Variants in RTN1 observed in about 807,000 individuals in gnomAD.
RTN1 encodes reticulon 1.
A neutral mutation model predicts 65.5 loss-of-function variants in RTN1; 25 were observed. That is an observed-to-expected ratio of 0.38 (90% CI 0.28 to 0.53). The LOEUF (loss-of-function observed/expected upper bound fraction) is 0.53, where lower values mean the gene tolerates loss of function less well. Among genes scored for constraint, RTN1 ranks in the 20% least tolerant of loss-of-function variants. The pLI is 0.79. For synonymous variants in RTN1, 471 were observed against 447.6 expected, an observed-to-expected ratio of 1.05 and a Z score of -0.66; for missense variants, 983 against 1,025.4, an observed-to-expected ratio of 0.96 and a Z score of 0.57.
chr14:59,684,516 T>C (rs1020584728), intron 3 of RTN1, among the ~76,000 whole-genome samples: 79 of 152,064 alleles, frequency 5.2e-4, no homozygotes, highest in African/African-American at 1.8e-3. Context: ...GAAACTGTGA[T>C]CTCGTATCAC....
At chr14:59,714,685 TC>T (rs1225002659) in intron 3 of RTN1, among the ~76,000 whole-genome samples, 1 of 152,160 alleles carries the variant, frequency 6.6e-6, no homozygotes, top group Non-Finnish European at 1.5e-5. Context: ...GAGAGCCACT[TC>T]CCAAGAAGGA....
rs1566711044 is a variant in RTN1 at position 59,749,188 on chromosome 14, CTATATATATCTATA to C, written c.242-2721_242-2708del. On this transcript the variant is annotated intron_variant, in intron 1 of 8. Transcript: ENST00000267484. The stretch of plus-strand genomic sequence containing the variant: ...TCTATATATCTATCTATATATCTAT[CTATATATATCTATA>C]TATATATCTATATATATCTATATAT... 5.6e-5 allele frequency among the ~76,000 whole-genome samples: 4 copies of C among 71,514 alleles called. 1 individual carries two copies. Among genetic ancestry groups the C allele is most frequent in the African/African-American group, 3.8e-4 (4 of 10,480 alleles). The allele number at this position is 71,514 out of a possible 152,430, so 46.9% of individuals were successfully genotyped here.
intron 3 of RTN1, among the ~76,000 whole-genome samples, chr14:59,615,341 C>A (rs530395358): frequency 3.9e-5 from 6 of 152,066 alleles, no homozygotes; most frequent in African/African-American, 1.4e-4. Flanking sequence ...CCCAGCTACT[C>A]GGGAGGCTGA....
chr14:59,854,238 A>C (rs560270857), intron 1 of RTN1, among the ~76,000 whole-genome samples: 1 of 152,250 alleles, frequency 6.6e-6, no homozygotes, highest in African/African-American at 2.4e-5. Flanking sequence ...TGTCAACTCA[A>C]GTTTTAGCCA....
chr14:59,769,442 G>A (rs1885912799), intron 1 of RTN1, among the ~76,000 whole-genome samples: 1 of 152,054 alleles, frequency 6.6e-6, no homozygotes, highest in African/African-American at 2.4e-5. Context: ...TATTTTTCAT[G>A]GATACTTTCC....
intron 5 of RTN1, chr14:59,604,408 TG>T (rs1358857236): frequency 6.5e-6 from 1 of 154,104 alleles, no homozygotes; most frequent in Non-Finnish European, 1.4e-5. Flanking sequence ...TGGTGTGGCT[TG>T]CAAAGCCTAA....
intron 3 of RTN1, among the ~76,000 whole-genome samples, chr14:59,701,292 C>G (rs985381947): frequency 2.0e-5 from 3 of 152,154 alleles, no homozygotes; most frequent in African/African-American, 7.2e-5. Context: ...ATAGAGTTAT[C>G]TTATTATCCA....
chr14:59,672,625 C>CTTTTTTTTTT (rs71111662), intron 3 of RTN1, among the ~76,000 whole-genome samples: 1 of 79,084 alleles, frequency 1.3e-5, no homozygotes, highest in African/African-American at 4.2e-5. Context: ...CAAGATATTT[C>CTTTTTTTTTT]TTTTTTTTTT....
chr14:59,724,957 C>T (rs542933216), intron 3 of RTN1, among the ~76,000 whole-genome samples: 3 of 152,238 alleles, frequency 2.0e-5, no homozygotes, highest in African/African-American at 7.2e-5. Flanking sequence ...TTTCAAAGGA[C>T]CCCTCCGTGC....
chr14:59,854,788 T>C (rs757317335), intron 1 of RTN1, among the ~76,000 whole-genome samples: 12 of 152,160 alleles, frequency 7.9e-5, no homozygotes, highest in Non-Finnish European at 1.5e-4. Context: ...TATATGATCA[T>C]AGGTAAGTCA....
rs1417490402 is a variant in RTN1 at position 59,766,294 on chromosome 14, A to G, written c.242-19813T>C. Among the ~76,000 whole-genome samples, 1 of 152,210 alleles carries G rather than the reference A, an allele frequency of 6.6e-6. No individual in the cohort carries two copies. The highest frequency in any genetic ancestry group is 6.5e-5 in the Admixed American group (1 of 15,270). ...GTGCCTCAACACAAGGTAGTTTTCG[A>G]AATAAATGCTTACTGAAAAGAGCAG... On this transcript the variant is annotated intron_variant, in intron 1 of 8. Transcript: ENST00000267484. This position sits in a 1 kb window ranked among gnomAD's most constrained non-coding sequence, Gnocchi z 4.4.
chr14:59,607,684 T>C (rs1881807065), intron 3 of RTN1, 192 bp from the exon 4 acceptor site: 2 of 605,248 alleles, frequency 3.3e-6, no homozygotes, highest in Admixed American at 2.8e-5. Context: ...AAGAATCTTT[T>C]CCACCCTTGA....
chr14:59,796,918 C>T (rs1886450267), intron 1 of RTN1, among the ~76,000 whole-genome samples: 1 of 152,096 alleles, frequency 6.6e-6, no homozygotes, highest in African/African-American at 2.4e-5. Context: ...AAAATAGTGC[C>T]TCACACAAAG....
rs1886814778 is a variant in RTN1 at position 59,816,031 on chromosome 14, G to A, written c.241+54359C>T. On this transcript the variant is annotated intron_variant, in intron 1 of 8. Transcript: ENST00000267484. This position sits in a 1 kb window ranked among gnomAD's most constrained non-coding sequence, Gnocchi z 4.3. ...CCAAGATATGAAGTGCCTTCATGCA[G>A]CCTTCCTGGATTAATCCCTACACCA... 6.6e-6 allele frequency among the ~76,000 whole-genome samples: 1 copy of A among 152,068 alleles called. No homozygotes were observed. The highest frequency in any genetic ancestry group is 6.5e-5 in the Admixed American group (1 of 15,272).
In RTN1 at chr14:59,836,545, A is replaced by C. The variant is rs780329551; in HGVS notation, c.241+33845T>G. Among the ~76,000 whole-genome samples the C allele has an allele frequency of 2.0e-5, 3 of 152,202 alleles. No individual in the cohort carries two copies. The highest frequency in any genetic ancestry group is 4.4e-5 in the Non-Finnish European group (3 of 68,040). ...GCTAAAATTTGTTGCTATTAGAAAA[A>C]ATTGATGAAACCAGGAGGGAGGACA... On this transcript the variant is annotated intron_variant, in intron 1 of 8. Coordinates refer to ENST00000267484, the MANE Select transcript of RTN1 (RefSeq NM_021136.3). The surrounding 1 kb of genome is among the most constrained non-coding windows in gnomAD (Gnocchi z 4.9).
At chr14:59,635,611 C>T (rs1415546559) in intron 3 of RTN1, among the ~76,000 whole-genome samples, 1 of 152,058 alleles carries the variant, frequency 6.6e-6, no homozygotes, top group Non-Finnish European at 1.5e-5. Flanking sequence ...TAGACTTTGG[C>T]AACTCATATT....
rs1402065865 is a variant in RTN1, at chr14:59,621,402, G to T, written c.1766-13910C>A. Among the ~76,000 whole-genome samples the T allele has an allele frequency of 2.6e-5, 4 of 152,298 alleles. No homozygotes were observed. The East Asian group carries it at 5.8e-4, about 22-fold the overall frequency. On this transcript the variant is annotated intron_variant, in intron 3 of 8. Coordinates refer to ENST00000267484, the MANE Select transcript of RTN1 (RefSeq NM_021136.3). ...CAGTTGTAAAAATTAAAGCTACTTTGCTAAAAACTGAGGAGAAACACATTG... is the reference window on the plus strand; with the variant it reads ...CAGTTGTAAAAATTAAAGCTACTTTTCTAAAAACTGAGGAGAAACACATTG...
At chr14:59,812,697 A>G (rs764504453) in intron 1 of RTN1, among the ~76,000 whole-genome samples, 1 of 152,248 alleles carries the variant, frequency 6.6e-6, no homozygotes, top group Non-Finnish European at 1.5e-5. Flanking sequence ...GAAAGTGTGC[A>G]TAAGCAAACA....
chr14:59,749,450 A>C (rs1221320589), intron 1 of RTN1, among the ~76,000 whole-genome samples: 3 of 103,536 alleles, frequency 2.9e-5, no homozygotes, highest in Admixed American at 1.4e-4. Flanking sequence ...ATATCTATAT[A>C]TATCTATATA....
Sources: gnomAD v4.1 joint callset for allele counts (sites outside exome capture counted in the v4.1 genomes callset) on GRCh38, gnomAD v4.1.1 for gene constraint, Gnocchi (gnomAD v3.1) non-coding constraint, MANE v1.5 for transcripts, NCBI Gene and HGNC (gene_info 2026-07-23, HGNC 2026-07-21) for gene names.